The following PPP2R2A variants were observed in gnomAD, a reference collection of about 807,000 sequenced individuals.
PPP2R2A encodes serine/threonine-protein phosphatase 2A 55 kDa regulatory subunit B alpha isoform.
PPP2R2A carries 9 observed loss-of-function variants against 53.2 expected under a neutral mutation model. The ratio of observed to expected loss-of-function variants is 0.17; its 90% confidence interval spans 0.10 to 0.30. The LOEUF (loss-of-function observed/expected upper bound fraction) is 0.30, where lower values mean the gene tolerates loss of function less well. Ranked by LOEUF, PPP2R2A falls within the 10% of genes least tolerant of loss-of-function variation. PPP2R2A has a pLI of 1.00. For synonymous variants in PPP2R2A, 169 were observed against 174.2 expected (o/e 0.97, Z 0.23); for missense variants, 235 against 534.6 (o/e 0.44, Z 5.53).
rs1353068163 is a variant in PPP2R2A, at chr8:26,360,613, T to A, written c.459+332T>A. On this transcript the variant is annotated intron_variant, in intron 5 of 9. Coordinates refer to ENST00000380737, the MANE Select transcript of PPP2R2A (RefSeq NM_002717.4). This position sits in a 1 kb window ranked among gnomAD's most constrained non-coding sequence, Gnocchi z 4.5. ...CAAAAAAGTAGATACAGATCAAATCTTCTAGTTGTAGCTAAAAAATACCAA... is the reference window on the plus strand; with the variant it reads ...CAAAAAAGTAGATACAGATCAAATCATCTAGTTGTAGCTAAAAAATACCAA... 1 of 286,570 alleles carries A rather than the reference T, an allele frequency of 3.5e-6. No homozygotes were observed. Among genetic ancestry groups the A allele is most frequent in the Non-Finnish European group, 6.4e-6 (1 of 157,234 alleles). The allele number at this position is 286,570 out of a possible 1,614,324, so 17.8% of individuals were successfully genotyped here. A position where few individuals can be genotyped will look rare whatever the true frequency, so the allele number is the denominator to read the frequency against.
intron 2 of PPP2R2A, among the ~76,000 whole-genome samples, chr8:26,329,557 T>C (rs1289513290): frequency 6.6e-6 from 1 of 152,170 alleles, no homozygotes; most frequent in Non-Finnish European, 1.5e-5. Context: ...CCACCAGACT[T>C]TGGGGACATC....
chr8:26,313,253 T>C (rs1387847308), intron 2 of PPP2R2A, among the ~76,000 whole-genome samples: 1 of 152,070 alleles, frequency 6.6e-6, no homozygotes, highest in African/African-American at 2.4e-5. Flanking sequence ...CAGGCTGATC[T>C]CAAACCCCTG....
intron 2 of PPP2R2A, among the ~76,000 whole-genome samples, chr8:26,319,536 G>T (rs1481678881): frequency 6.6e-6 from 1 of 152,120 alleles, no homozygotes; most frequent in Non-Finnish European, 1.5e-5. Flanking sequence ...TTTTTAGTAT[G>T]ATGTAAAGCA....
intron 2 of PPP2R2A, among the ~76,000 whole-genome samples, chr8:26,334,255 T>A (rs1803537820): frequency 1.3e-5 from 2 of 152,174 alleles, no homozygotes; most frequent in Admixed American, 1.3e-4. Context: ...TTTAAAGAAG[T>A]TGTTTGTTCT....
At position 26,321,902 on chromosome 8, in the gene PPP2R2A, C is replaced by T. The variant is rs539919367; in HGVS notation, c.83-16988C>T. On this transcript the variant is annotated intron_variant, in intron 2 of 9. Coordinates refer to ENST00000380737, the MANE Select transcript of PPP2R2A (RefSeq NM_002717.4). The surrounding 1 kb of genome is among the most constrained non-coding windows in gnomAD (Gnocchi z 4.1). ...TAACAATGTCAACATTTCCCCTCCT[C>T]GGTCTAAGATTTGAACTTGGTTCTA... is the stretch of plus-strand genomic sequence containing the variant. Among the ~76,000 whole-genome samples, 5 of 152,336 alleles carry T rather than the reference C, an allele frequency of 3.3e-5. No individual in the cohort carries two copies. The highest frequency in any genetic ancestry group is 2.1e-4 in the South Asian group (1 of 4,830).
intron 2 of PPP2R2A, among the ~76,000 whole-genome samples, chr8:26,327,633 G>A (rs1429425211): frequency 2.0e-5 from 3 of 152,148 alleles, no homozygotes; most frequent in African/African-American, 7.2e-5. Flanking sequence ...CGTCGTAGTG[G>A]TCTGTAGGGA....
At chr8:26,330,785 T>C (rs1002512053) in intron 2 of PPP2R2A, among the ~76,000 whole-genome samples, 5 of 152,220 alleles carry the variant, frequency 3.3e-5, no homozygotes, top group Non-Finnish European at 7.3e-5. Flanking sequence ...CCTGGTAATT[T>C]CGGATTGGAA....
intron 3 of PPP2R2A, among the ~76,000 whole-genome samples, chr8:26,343,629 A>G (rs1052505395): frequency 6.6e-6 from 1 of 152,032 alleles, no homozygotes; most frequent in African/African-American, 2.4e-5. Context: ...CTCGTGATCC[A>G]CCCACCTTGG....
intron 2 of PPP2R2A, among the ~76,000 whole-genome samples, chr8:26,311,165 T>C (rs1050261219): frequency 1.3e-5 from 2 of 152,212 alleles, no homozygotes; most frequent in African/African-American, 4.8e-5. Context: ...TCTTTTTATT[T>C]AGAGGATTAA....
chr8:26,300,113 A>T (rs4871971), intron 2 of PPP2R2A, among the ~76,000 whole-genome samples: 76,439 of 151,994 alleles, frequency 0.5, 19,564 homozygotes, highest in Non-Finnish European at 0.52. Context: ...AAGTTTTTTC[A>T]CATTCATTTG....
intron 2 of PPP2R2A, among the ~76,000 whole-genome samples, chr8:26,307,968 T>G (rs949924044): frequency 2.0e-5 from 3 of 152,228 alleles, no homozygotes; most frequent in African/African-American, 7.2e-5. Context: ...TCAGAAATAT[T>G]GCTGCTTTGG....
In PPP2R2A at chr8:26,371,382, A is replaced by G. The variant is rs114986179; in HGVS notation, c.*969A>G. 674 of 144,842 alleles carry G rather than the reference A, an allele frequency of 4.7e-3. 3 individuals are homozygous for G. The highest frequency in any genetic ancestry group is 0.016 in the African/African-American group (630 of 39,736). 9.0% of individuals were successfully genotyped at this position (144,842 alleles called of 1,614,324 possible). The stretch of plus-strand genomic sequence containing the variant: ...TTTTTTTTTTTTTTTTACCATCATG[A>G]GGGTATTGGATACATTGTGTCTCTA... On this transcript the variant is annotated 3_prime_UTR_variant, in exon 10 of 10. Transcript: ENST00000380737.
intron 3 of PPP2R2A, among the ~76,000 whole-genome samples, chr8:26,351,405 TGTAGAATTAACTTCCTTAGTTGCA>T (rs1303574582): frequency 6.6e-6 from 1 of 152,142 alleles, no homozygotes; most frequent in Non-Finnish European, 1.5e-5. Context: ...AAAAATAAAT[TGTAGAATTAACTTCCTTAGTTGCA>T]GTAGCCACAT....
chr8:26,349,395 T>C (rs1804382114), intron 3 of PPP2R2A, among the ~76,000 whole-genome samples: 1 of 152,188 alleles, frequency 6.6e-6, no homozygotes, highest in Non-Finnish European at 1.5e-5. Flanking sequence ...TTGGAACCAT[T>C]GATTGGGTTA....
At chr8:26,304,983 A>G (rs1360931148) in intron 2 of PPP2R2A, among the ~76,000 whole-genome samples, 1 of 152,176 alleles carries the variant, frequency 6.6e-6, no homozygotes, top group East Asian at 1.9e-4. Flanking sequence ...TACACTGTTC[A>G]GTAGTGTTAA....
chr8:26,363,502 G>C (rs1350005811), intron 7 of PPP2R2A: 1 of 407,582 alleles, frequency 2.5e-6, no homozygotes, highest in East Asian at 3.7e-5. Flanking sequence ...CATATGACTG[G>C]AAGTATACTG....
At chr8:26,364,506 C>A (rs1805268927) in intron 8 of PPP2R2A, among the ~76,000 whole-genome samples, 1 of 152,188 alleles carries the variant, frequency 6.6e-6, no homozygotes, top group East Asian at 1.9e-4. Flanking sequence ...CAGCCTGGAA[C>A]AGGGTGAGGG....
chr8:26,314,822 C>G (rs1194856533), intron 2 of PPP2R2A, among the ~76,000 whole-genome samples: 1 of 140,958 alleles, frequency 7.1e-6, no homozygotes, highest in Non-Finnish European at 1.5e-5. Flanking sequence ...TTCTCTGTTT[C>G]ATTTGTTCTT....
Position 26,291,673 on chromosome 8 carries a change from C to CG in PPP2R2A, c.-147_-146insG. The CG allele has an allele frequency of 3.4e-6, 2 of 592,610 alleles. No individual in the cohort carries two copies. Among genetic ancestry groups the CG allele is most frequent in the Non-Finnish European group, 5.9e-6 (2 of 339,622 alleles). 36.7% of individuals were successfully genotyped at this position (592,610 alleles called of 1,614,324 possible). A position where few individuals can be genotyped will look rare whatever the true frequency, so the allele number is the denominator to read the frequency against. ...CGGCTGGTCTGCCCGCCCCTCCTTC[C>CG]TTTTCCCCCCGGCCCCCGTCCCCTC... On this transcript the variant is annotated 5_prime_UTR_variant, in exon 1 of 10. Transcript: ENST00000380737.
Sources: gnomAD v4.1 joint callset for allele counts (sites outside exome capture counted in the v4.1 genomes callset) on GRCh38, gnomAD v4.1.1 for gene constraint, Gnocchi (gnomAD v3.1) non-coding constraint, MANE v1.5 for transcripts, NCBI Gene and HGNC (gene_info 2026-07-23, HGNC 2026-07-21) for gene names.